Variants in WASHC2A observed in about 807,000 individuals in gnomAD.
WASHC2A encodes WASH complex subunit 2A.
Under a neutral mutation model 140.3 loss-of-function variants are expected in WASHC2A, and 82 were observed. That is an observed-to-expected ratio of 0.58 (90% CI 0.49 to 0.70). The LOEUF is 0.70. Among genes scored for constraint, WASHC2A ranks in the 30% least tolerant of loss-of-function variants. WASHC2A has a pLI of 0.00. For missense variants in WASHC2A, 985 were observed against 1,521.8 expected (o/e 0.65, Z 5.87); for synonymous variants, 340 against 560.8 (o/e 0.61, Z 5.56).
At chr10:50,109,198 C>G (rs2132848558) in intron 19 of WASHC2A, among the ~76,000 whole-genome samples, 1 of 152,274 alleles carries the variant, frequency 6.6e-6, no homozygotes, top group Admixed American at 6.5e-5. Context: ...ACTCTAGACT[C>G]CAGAGATAGA....
intron 3 of WASHC2A, among the ~76,000 whole-genome samples, chr10:50,072,246 G>A (rs1439769007): frequency 4.0e-5 from 6 of 149,586 alleles, no homozygotes; most frequent in East Asian, 2.0e-4. Flanking sequence ...CACTGCGCTC[G>A]GCCCTTAGTG....
At position 50,088,034 on chromosome 10, in the gene WASHC2A, G is replaced by A. The variant is rs1376407681; in HGVS notation, c.732+712G>A. On this transcript the variant is annotated intron_variant, in intron 8 of 30. Coordinates refer to ENST00000282633, the MANE Select transcript of WASHC2A (RefSeq NM_001005751.3). ...GGGTTTCACCATGTTGGCCAGGCTG[G>A]TCTCGAGCTCCTGACCTCAGGTAAT... Among the ~76,000 whole-genome samples the A allele has an allele frequency of 8.9e-3, 1,357 of 151,874 alleles. 7 individuals are homozygous for A. The highest frequency in any genetic ancestry group is 0.018 in the Admixed American group (270 of 15,220).
chr10:50,069,417 A>C (rs532027406), intron 2 of WASHC2A, 130 bp from the exon 3 acceptor site: 10 of 223,902 alleles, frequency 4.5e-5, no homozygotes, highest in African/African-American at 2.4e-4. Flanking sequence ...AAACTCTCTC[A>C]AAAAAAAAAA....
chr10:50,097,918 C>A (rs1156689572), intron 16 of WASHC2A, 116 bp downstream of exon 16: 3 of 1,529,574 alleles, frequency 2.0e-6, no homozygotes, highest in African/African-American at 2.8e-5. Context: ...GAACTTCAAA[C>A]AGAAAGTGGA....
intron 3 of WASHC2A, among the ~76,000 whole-genome samples, chr10:50,075,164 G>T (rs1488315503): frequency 2.0e-5 from 3 of 151,530 alleles, no homozygotes; most frequent in African/African-American, 7.3e-5. Context: ...TTCTTAAACC[G>T]TATCATAATT....
Position 50,091,284 on chromosome 10 carries a change from T to C in WASHC2A, c.844-147T>C, listed in dbSNP as rs2132554012. 6.0e-6 allele frequency: 6 copies of C among 1,001,664 alleles called. No individual in the cohort carries two copies. In the East Asian group the frequency reaches 1.6e-4, roughly 26 times the overall value. The allele number at this position is 1,001,664 out of a possible 1,614,324, so 62.0% of individuals were successfully genotyped here. A position where few individuals can be genotyped will look rare whatever the true frequency, so the allele number is the denominator to read the frequency against. The stretch of plus-strand genomic sequence containing the variant: ...TATTCCTTGGGTGAGCTGTATAGGG[T>C]ACATATGTTTAAATTCATTTAATTA... On this transcript the variant is annotated intron_variant, in intron 9 of 30. Transcript: ENST00000282633.
At chr10:50,110,682 G>A (rs1490082767) in intron 20 of WASHC2A, among the ~76,000 whole-genome samples, 2 of 152,022 alleles carry the variant, frequency 1.3e-5, no homozygotes, top group African/African-American at 4.8e-5. Flanking sequence ...CACGATGTCA[G>A]GAGTTCAAGA....
At position 50,104,157 on chromosome 10, in the gene WASHC2A, T is replaced by C. The variant is rs1490452173; in HGVS notation, c.1737+14T>C. On this transcript the variant is annotated intron_variant, in intron 18 of 30. Transcript: ENST00000282633. ...GAAGATGAAGAGGTAAACATTGTTA[T>C]TGTAACACTAGATAATTTAGATTAG... 1.6e-5 allele frequency: 24 copies of C among 1,521,364 alleles called. 1 individual carries two copies. The highest frequency in any genetic ancestry group is 2.7e-5 in the African/African-American group (2 of 73,178). The allele number at this position is 1,521,364 out of a possible 1,614,324, so 94.2% of individuals were successfully genotyped here.
chr10:50,114,244 A>G (rs553525020), intron 21 of WASHC2A, among the ~76,000 whole-genome samples: 4 of 95,180 alleles, frequency 4.2e-5, no homozygotes, highest in Non-Finnish European at 8.7e-5. Flanking sequence ...CTTGGGCCCC[A>G]TTGTCATGGA....
At chr10:50,127,501 C>G in intron 27 of WASHC2A, 82 bp from the exon 28 acceptor site, 2 of 1,611,672 alleles carry the variant, frequency 1.2e-6, no homozygotes, top group Non-Finnish European at 1.7e-6. Context: ...ATTATGTGCA[C>G]CGAATCTTGT....
At chr10:50,088,127 T>C (rs1839549553) in intron 8 of WASHC2A, among the ~76,000 whole-genome samples, 3 of 151,820 alleles carry the variant, frequency 2.0e-5, no homozygotes, top group Non-Finnish European at 1.5e-5. Context: ...CCTCCTTATT[T>C]TGAATAGCCT....
chr10:50,078,628 C>G lies in WASHC2A; in HGVS notation c.292-47C>G, dbSNP rs1346423527. 6 of 1,611,722 alleles carry G rather than the reference C, an allele frequency of 3.7e-6. No individual in the cohort carries two copies. In the East Asian group the frequency reaches 1.3e-4, roughly 36 times the overall value. ...TGAATTCTTATATTGTGATTTATTT[C>G]CAATGACGTGTTGACCTTTTAACAT... On this transcript the variant is annotated intron_variant, in intron 3 of 30. Coordinates refer to ENST00000282633, the MANE Select transcript of WASHC2A (RefSeq NM_001005751.3).
intron 20 of WASHC2A, among the ~76,000 whole-genome samples, chr10:50,111,955 G>T (rs1482297207): frequency 6.6e-6 from 1 of 152,128 alleles, no homozygotes; most frequent in Non-Finnish European, 1.5e-5. Flanking sequence ...TTGAACCTGG[G>T]AGGCAGAGGT....
chr10:50,130,102 T>C, intron 29 of WASHC2A, 63 bp downstream of exon 29: 2 of 1,603,408 alleles, frequency 1.2e-6, no homozygotes, highest in Non-Finnish European at 1.7e-6. Flanking sequence ...GATTGGCTTA[T>C]TTGAGCCATA....
At chr10:50,112,985 A>T (rs1842407499) in intron 20 of WASHC2A, among the ~76,000 whole-genome samples, 3 of 151,730 alleles carry the variant, frequency 2.0e-5, no homozygotes, top group Admixed American at 2.0e-4. Context: ...GATATTGCAC[A>T]ACTCGATGAG....
chr10:50,071,565 A>G (rs1837819840), intron 3 of WASHC2A, among the ~76,000 whole-genome samples: 1 of 151,802 alleles, frequency 6.6e-6, no homozygotes, highest in Non-Finnish European at 1.5e-5. Context: ...TCGGCCTCCC[A>G]AAGTGCTGGG....
intron 17 of WASHC2A, among the ~76,000 whole-genome samples, chr10:50,100,788 C>T (rs1157125014): frequency 2.0e-5 from 3 of 152,262 alleles, no homozygotes; most frequent in Admixed American, 2.0e-4. Context: ...AGACCACTAA[C>T]AGCCTCTGGG....
chr10:50,097,794 G>T lies in WASHC2A; in HGVS notation c.1540G>T (p.Glu514Ter). 1 of 1,606,616 alleles carries T rather than the reference G, an allele frequency of 6.2e-7. No homozygotes were observed. Among genetic ancestry groups the T allele is most frequent in the Non-Finnish European group, 8.5e-7 (1 of 1,178,480 alleles). ...SQTDENKARA[E>*]KKVTLSSSKN... ...GACAGATGAAAATAAAGCAAGAGCA[G>T]AAAAAAAGGTGAGCAGGAGGGAAGA... is the stretch of plus-strand genomic sequence containing the variant. Residue 514 changes from glutamate (E) to a stop codon, truncating the protein, a stop_gained, in exon 16 of 31, where the codon GAA becomes TAA. Coordinates refer to ENST00000282633, the MANE Select transcript of WASHC2A (RefSeq NM_001005751.3). LOFTEE classifies it high-confidence loss of function.
rs973756105 is a variant in WASHC2A, at chr10:50,127,503, G to A, written c.2875-80G>A. The A allele has an allele frequency of 4.7e-5, 75 of 1,611,578 alleles. No homozygotes were observed. In the Middle Eastern group the frequency reaches 6.8e-4, roughly 15 times the overall value. ...TCTCGTATTATACATTATGTGCACC[G>A]AATCTTGTCATGTGTCACAATAAAG... On this transcript the variant is annotated intron_variant, in intron 27 of 30. Coordinates refer to ENST00000282633, the MANE Select transcript of WASHC2A (RefSeq NM_001005751.3).
Sources: gnomAD v4.1 joint callset for allele counts (sites outside exome capture counted in the v4.1 genomes callset) on GRCh38, gnomAD v4.1.1 for gene constraint, MANE v1.5 for transcripts, NCBI Gene and HGNC (gene_info 2026-07-23, HGNC 2026-07-21) for gene names.